STOX2: variants seen among roughly 807,000 people sequenced by gnomAD.
STOX2 encodes storkhead box 2, also known as storkhead-box protein 2.
In STOX2, 28 loss-of-function variants were observed where a neutral mutation model predicts 60.9. The observed-to-expected ratio is 0.46, with a 90% CI of 0.34 to 0.63. The LOEUF (loss-of-function observed/expected upper bound fraction) is 0.63, where lower values mean the gene tolerates loss of function less well. Among genes scored for constraint, STOX2 ranks in the 30% least tolerant of loss-of-function variants. STOX2 has a pLI of 0.01. For synonymous variants in STOX2, 472 were observed against 463.9 expected (o/e 1.02, Z -0.22); for missense variants, 1,024 against 1,187.7 (o/e 0.86, Z 2.03).
intron 1 of STOX2, among the ~76,000 whole-genome samples, chr4:183,952,003 C>G (rs937684424): frequency 3.3e-5 from 5 of 152,156 alleles, no homozygotes; most frequent in Non-Finnish European, 5.9e-5. Context: ...CTCTCTCCCT[C>G]TAGCCTTTTG....
intron 1 of STOX2, among the ~76,000 whole-genome samples, chr4:183,804,413 AAC>A (rs1298009355): frequency 2.6e-5 from 4 of 152,192 alleles, no homozygotes; most frequent in Non-Finnish European, 4.4e-5. Flanking sequence ...ATGCTGGAGA[AAC>A]AGAGAGGGTG....
At chr4:183,993,052 T>C (rs1239761238) in intron 1 of STOX2, among the ~76,000 whole-genome samples, 1 of 152,214 alleles carries the variant, frequency 6.6e-6, no homozygotes, top group African/African-American at 2.4e-5. Context: ...GTTGTTCCTA[T>C]CAGAGACGTC....
intron 1 of STOX2, among the ~76,000 whole-genome samples, chr4:183,874,883 G>T (rs187700246): frequency 8.8e-6 from 1 of 113,802 alleles, no homozygotes; most frequent in Non-Finnish European, 1.6e-5. Flanking sequence ...CCAAGATCAT[G>T]CCACTGCACT....
At chr4:183,910,770 A>G (rs1394390239) in intron 1 of STOX2, among the ~76,000 whole-genome samples, 1 of 152,190 alleles carries the variant, frequency 6.6e-6, no homozygotes, top group Non-Finnish European at 1.5e-5. Flanking sequence ...TTTGAAAAGA[A>G]AGATAAAACA....
Position 183,815,721 on chromosome 4 carries a change from G to A in STOX2, c.364+17666G>A, listed in dbSNP as rs57465242. ...GACTTTATTGTTACTGTTCAACCTT[G>A]TGGTCCTCAGCATGGGTAGGTAAAC... On this transcript the variant is annotated intron_variant, in intron 1 of 2. Coordinates refer to the STOX2 transcript ENST00000513034. Among the ~76,000 whole-genome samples, 846 of 152,296 alleles carry A rather than the reference G, an allele frequency of 5.6e-3. 8 individuals are homozygous for A. The highest frequency in any genetic ancestry group is 0.019 in the African/African-American group (804 of 41,562).
intron 1 of STOX2, chr4:183,798,681 A>G (rs1245532489): frequency 1.0e-6 from 1 of 985,426 alleles, no homozygotes; most frequent in Non-Finnish European, 1.2e-6. Flanking sequence ...GAGGGAAGGA[A>G]GAGACACAAA....
At chr4:183,938,256 T>C (rs921712826) in intron 1 of STOX2, among the ~76,000 whole-genome samples, 2 of 152,358 alleles carry the variant, frequency 1.3e-5, no homozygotes, top group African/African-American at 4.8e-5. Context: ...GTAACTGTTA[T>C]TAAAACAAAA....
intron 1 of STOX2, among the ~76,000 whole-genome samples, chr4:184,000,922 C>T (rs1317975946): frequency 1.3e-5 from 2 of 152,154 alleles, no homozygotes; most frequent in African/African-American, 2.4e-5. Context: ...GACACGTAAA[C>T]GCGTTCAATG....
At position 183,980,442 on chromosome 4, in the gene STOX2, G is replaced by A. The variant is rs572419563; in HGVS notation, c.167-20883G>A. Among the ~76,000 whole-genome samples, 6 of 152,284 alleles carry A rather than the reference G, an allele frequency of 3.9e-5. No individual in the cohort carries two copies. The South Asian group carries it at 1.0e-3, about 26-fold the overall frequency. On this transcript the variant is annotated intron_variant, in intron 1 of 3. Coordinates refer to ENST00000308497, the MANE Select transcript of STOX2 (RefSeq NM_020225.3). ...CATTCTTGTCAGTAGGGATAGAGGT[G>A]GACATTAGGAGTCTGTCCCCGGATA... is the stretch of plus-strand genomic sequence containing the variant.
In STOX2 at chr4:183,895,518, G is replaced by A. The variant is rs147009161; in HGVS notation, c.364+97463G>A. Among the ~76,000 whole-genome samples, 457 of 152,182 alleles carry A rather than the reference G, an allele frequency of 3.0e-3. 2 individuals are homozygous for A. The highest frequency in any genetic ancestry group is 0.01 in the African/African-American group (431 of 41,500). ...GGCCACCCCATTTTACATTGCTAACGCTCAGTCTCAATCTTCGTCTTCTGC... is the reference window on the plus strand; with the variant it reads ...GGCCACCCCATTTTACATTGCTAACACTCAGTCTCAATCTTCGTCTTCTGC... On this transcript the variant is annotated intron_variant, in intron 1 of 2. Transcript: ENST00000513034.
At chr4:183,833,097 G>C (rs1739613435) in intron 1 of STOX2, among the ~76,000 whole-genome samples, 2 of 152,218 alleles carry the variant, frequency 1.3e-5, no homozygotes, top group Non-Finnish European at 2.9e-5. Flanking sequence ...AATGGACATG[G>C]TTCAGTGAGT....
At chr4:183,950,353 G>GAGAGAC (rs1450575397) in intron 1 of STOX2, among the ~76,000 whole-genome samples, 8 of 152,222 alleles carry the variant, frequency 5.3e-5, no homozygotes, top group Non-Finnish European at 8.8e-5. Flanking sequence ...GAGAGAGAGA[G>GAGAGAC]AGAGACAGAC....
At chr4:183,919,945 C>T (rs1248815344) in intron 1 of STOX2, among the ~76,000 whole-genome samples, 1 of 151,992 alleles carries the variant, frequency 6.6e-6, no homozygotes, top group Non-Finnish European at 1.5e-5. Flanking sequence ...TGTGTTGGTA[C>T]CTGTGTAAGT....
In STOX2 at chr4:184,023,410, A is replaced by G. The variant is rs752822978; in HGVS notation, c.*6126A>G. On this transcript the variant is annotated 3_prime_UTR_variant, in exon 4 of 4. Transcript: ENST00000308497. ...AAAGGACAGGGATTTTTGTAAGTCTATATTTGAAAGTCCCTCCCTATGGTG... is the reference window on the plus strand; with the variant it reads ...AAAGGACAGGGATTTTTGTAAGTCTGTATTTGAAAGTCCCTCCCTATGGTG... 2 of 152,200 alleles carry G rather than the reference A, an allele frequency of 1.3e-5. No homozygotes were observed. The highest frequency in any genetic ancestry group is 2.9e-5 in the Non-Finnish European group (2 of 68,020). The allele number at this position is 152,200 out of a possible 1,614,324, so 9.4% of individuals were successfully genotyped here.
chr4:183,915,381 C>T (rs992431088), intron 1 of STOX2, among the ~76,000 whole-genome samples: 14 of 151,844 alleles, frequency 9.2e-5, no homozygotes, highest in African/African-American at 2.7e-4. Context: ...TTAGAGAAAA[C>T]GAAGGCCGCC....
intron 3 of STOX2, chr4:184,015,179 A>T (rs2111259041): frequency 6.6e-6 from 1 of 152,310 alleles, no homozygotes. Context: ...AGGAAGTCAG[A>T]TACTGTAAAA....
At chr4:183,833,981 CAA>C (rs70959149) in intron 1 of STOX2, among the ~76,000 whole-genome samples, 13 of 79,818 alleles carry the variant, frequency 1.6e-4, no homozygotes, top group Admixed American at 4.6e-4. Flanking sequence ...GACTCCGTCT[CAA>C]AAAAAAAAAA....
At chr4:183,996,073 G>T (rs571929162) in intron 1 of STOX2, among the ~76,000 whole-genome samples, 1 of 152,188 alleles carries the variant, frequency 6.6e-6, no homozygotes, top group African/African-American at 2.4e-5. Context: ...ACTTACAATT[G>T]TAATATTTTC....
chr4:183,875,946 G>A (rs886105527), intron 1 of STOX2, among the ~76,000 whole-genome samples: 4 of 152,168 alleles, frequency 2.6e-5, no homozygotes, highest in African/African-American at 9.7e-5. Context: ...CATCCAGGGA[G>A]GAGTGATCCT....
Sources: allele counts gnomAD v4.1 joint callset (sites outside exome capture counted in the v4.1 genomes callset), GRCh38; gene constraint gnomAD v4.1.1; transcripts MANE v1.5; gene names NCBI Gene and HGNC (gene_info 2026-07-23, HGNC 2026-07-21).